The following THADA variants were observed in gnomAD, a reference collection of about 807,000 sequenced individuals.
THADA encodes THADA armadillo repeat containing, also known as tRNA (32-2'-O)-methyltransferase regulator THADA.
In THADA, 213 loss-of-function variants were observed where a neutral mutation model predicts 219.8. The observed-to-expected ratio is 0.97, with a 90% CI of 0.87 to 1.09. The LOEUF (loss-of-function observed/expected upper bound fraction) is 1.09, where lower values mean the gene tolerates loss of function less well. Among genes scored for constraint, THADA ranks in the 50% least tolerant of loss-of-function variants. The pLI is 0.00. For synonymous variants in THADA, 1,018 were observed against 828.9 expected (o/e 1.23, Z -3.92); for missense variants, 2,956 against 2,311.3 (o/e 1.28, Z -5.72).
intron 26 of THADA, among the ~76,000 whole-genome samples, chr2:43,456,471 G>C (rs1377191972): frequency 6.6e-6 from 1 of 152,168 alleles, no homozygotes; most frequent in Non-Finnish European, 1.5e-5. Context: ...TCTAGAACCA[G>C]CCTGACCAGA....
intron 26 of THADA, among the ~76,000 whole-genome samples, chr2:43,485,009 T>A (rs1033579961): frequency 2.0e-5 from 3 of 151,954 alleles, no homozygotes; most frequent in African/African-American, 7.3e-5. Flanking sequence ...CACCCCTTGC[T>A]ACCTTGCTAA....
At chr2:43,388,038 C>T (rs945009286) in intron 29 of THADA, among the ~76,000 whole-genome samples, 3 of 152,188 alleles carry the variant, frequency 2.0e-5, no homozygotes, top group Non-Finnish European at 2.9e-5. Context: ...AACTCAAATA[C>T]GTTGGGTGCC....
At chr2:43,470,276 G>A (rs1684757556) in intron 26 of THADA, among the ~76,000 whole-genome samples, 1 of 151,402 alleles carries the variant, frequency 6.6e-6, no homozygotes, top group African/African-American at 2.4e-5. Flanking sequence ...AGAGTCTGAG[G>A]CCAGTTATAA....
chr2:43,355,144 GC>G, intron 29 of THADA, among the ~76,000 whole-genome samples: 1 of 152,228 alleles, frequency 6.6e-6, no homozygotes, highest in Middle Eastern at 3.4e-3. Flanking sequence ...GGACACTTAG[GC>G]CTTAGGTTGA....
chr2:43,263,031 C>T (rs564487150), intron 36 of THADA, among the ~76,000 whole-genome samples: 1 of 152,174 alleles, frequency 6.6e-6, no homozygotes, highest in Non-Finnish European at 1.5e-5. Flanking sequence ...GCATCCTTGG[C>T]CTTTGAAAAT....
At chr2:43,595,391 C>T (rs1702034222) in intron 1 of THADA, among the ~76,000 whole-genome samples, 1 of 152,140 alleles carries the variant, frequency 6.6e-6, no homozygotes, top group Non-Finnish European at 1.5e-5. Flanking sequence ...AAGAAAGTGA[C>T]CATCGTACAA....
At chr2:43,415,465 T>C (rs1261898740) in intron 28 of THADA, among the ~76,000 whole-genome samples, 1 of 152,204 alleles carries the variant, frequency 6.6e-6, no homozygotes, top group Non-Finnish European at 1.5e-5. Flanking sequence ...TAGTAGAACG[T>C]GCTCCCTTTA....
chr2:43,250,249 C>T (rs188118214), intron 36 of THADA, among the ~76,000 whole-genome samples: 3 of 152,294 alleles, frequency 2.0e-5, no homozygotes, highest in East Asian at 1.9e-4. Context: ...TGCTGATTCA[C>T]GCTACAGCAT....
intron 31 of THADA, among the ~76,000 whole-genome samples, chr2:43,295,024 C>G (rs1675200691): frequency 6.6e-6 from 1 of 152,070 alleles, no homozygotes. Flanking sequence ...TTTGGGAGCC[C>G]AAGGTGGGAG....
At chr2:43,300,843 A>C (rs1235260118) in intron 31 of THADA, among the ~76,000 whole-genome samples, 1 of 152,208 alleles carries the variant, frequency 6.6e-6, no homozygotes, top group East Asian at 1.9e-4. Flanking sequence ...AGATGCCCCG[A>C]AGGGCTTGTG....
chr2:43,590,711 A>G (rs1701467256), intron 4 of THADA, 113 bp downstream of exon 4: 2 of 1,102,544 alleles, frequency 1.8e-6, no homozygotes, highest in Admixed American at 4.9e-5. Context: ...CATATGAATG[A>G]ACTTTTTGTG....
intron 29 of THADA, among the ~76,000 whole-genome samples, chr2:43,384,650 A>T (rs1672422238): frequency 6.6e-6 from 1 of 152,162 alleles, no homozygotes; most frequent in African/African-American, 2.4e-5. Flanking sequence ...AATCTGATCA[A>T]TGCATACTTC....
intron 26 of THADA, among the ~76,000 whole-genome samples, chr2:43,433,043 C>T (rs1008526935): frequency 5.3e-5 from 8 of 152,088 alleles, no homozygotes; most frequent in African/African-American, 1.9e-4. Flanking sequence ...TCTCTACCTA[C>T]CTAAGAAAGA....
chr2:43,518,764 C>G (rs867385092), intron 22 of THADA, among the ~76,000 whole-genome samples: 3 of 152,182 alleles, frequency 2.0e-5, no homozygotes, highest in Admixed American at 6.5e-5. Flanking sequence ...TCTATTTCCT[C>G]TGTTTGGCTG....
At chr2:43,292,331 G>A (rs983444227) in intron 32 of THADA, 109 bp from the exon 33 acceptor site, 3 of 679,390 alleles carry the variant, frequency 4.4e-6, no homozygotes. Flanking sequence ...CCTTTCAAAA[G>A]GCTCCCACTG....
At chr2:43,357,961 T>G (rs1184045727) in intron 29 of THADA, among the ~76,000 whole-genome samples, 1 of 152,122 alleles carries the variant, frequency 6.6e-6, no homozygotes, top group Non-Finnish European at 1.5e-5. Flanking sequence ...GCATAGTCAG[T>G]GTACCTTTCA....
chr2:43,416,729 T>C (rs917094383), intron 28 of THADA, among the ~76,000 whole-genome samples: 3 of 152,176 alleles, frequency 2.0e-5, no homozygotes, highest in African/African-American at 7.2e-5. Flanking sequence ...AAGAGGGCAG[T>C]AGGACTATGT....
rs78087323 is a variant in THADA at position 43,331,384 on chromosome 2, G to T, written c.4344-10844C>A. On this transcript the variant is annotated intron_variant, in intron 30 of 37. Transcript: ENST00000405975. ...TTCTGTTAATCCTTAAGAGAGACTA[G>T]AAACTCTGATGACCACTAAGCGAGG... Among the ~76,000 whole-genome samples, 982 of 152,324 alleles carry T rather than the reference G, an allele frequency of 6.4e-3. 11 individuals are homozygous for T. Among genetic ancestry groups the T allele is most frequent in the African/African-American group, 0.023 (940 of 41,578 alleles).
intron 17 of THADA, among the ~76,000 whole-genome samples, chr2:43,555,928 G>C (rs1019167500): frequency 1.3e-5 from 2 of 152,086 alleles, no homozygotes; most frequent in Non-Finnish European, 2.9e-5. Context: ...TTTGGAACTG[G>C]CTATTTGGGA....
Sources: allele counts gnomAD v4.1 joint callset (sites outside exome capture counted in the v4.1 genomes callset), GRCh38; gene constraint gnomAD v4.1.1; transcripts MANE v1.5; gene names NCBI Gene and HGNC (gene_info 2026-07-23, HGNC 2026-07-21).